The following CACNB2 variants were observed in gnomAD, a reference collection of about 807,000 sequenced individuals.
CACNB2 encodes the protein calcium voltage-gated channel auxiliary subunit beta 2, also known as voltage-dependent L-type calcium channel subunit beta-2.
In CACNB2, 42 loss-of-function variants were observed where a neutral mutation model predicts 73.3. That is an observed-to-expected ratio of 0.57 (90% CI 0.45 to 0.74). CACNB2 has a LOEUF of 0.74. Among genes scored for constraint, CACNB2 ranks in the 30% least tolerant of loss-of-function variants. The pLI, the probability that CACNB2 is intolerant of heterozygous loss-of-function variation, is 0.00. For missense variants in CACNB2, 940 were observed against 853.0 expected (o/e 1.10, Z -1.27); for synonymous variants, 348 against 310.3 (o/e 1.12, Z -1.28).
At chr10:18,171,969 C>G (rs528976510) in intron 2 of CACNB2, among the ~76,000 whole-genome samples, 1 of 151,978 alleles carries the variant, frequency 6.6e-6, no homozygotes, top group Non-Finnish European at 1.5e-5. Flanking sequence ...CTAACTGATC[C>G]TCCTTTAGGC....
chr10:18,322,352 T>A (rs1416762127), intron 2 of CACNB2, among the ~76,000 whole-genome samples: 1 of 152,214 alleles, frequency 6.6e-6, no homozygotes, highest in Non-Finnish European at 1.5e-5. Flanking sequence ...ATCGCATGAT[T>A]TGTAAAAAGC....
At chr10:18,211,058 G>C (rs1202395694) in intron 2 of CACNB2, among the ~76,000 whole-genome samples, 1 of 152,196 alleles carries the variant, frequency 6.6e-6, no homozygotes, top group Non-Finnish European at 1.5e-5. Flanking sequence ...TGAGCATGAA[G>C]CTTTGCTCAT....
intron 2 of CACNB2, among the ~76,000 whole-genome samples, chr10:18,249,390 GA>G (rs929547190): frequency 6.1e-5 from 9 of 148,558 alleles, no homozygotes; most frequent in Admixed American, 3.3e-4. Context: ...CCTATTCCAA[GA>G]AAAAAAAATG....
intron 3 of CACNB2, among the ~76,000 whole-genome samples, chr10:18,404,578 T>C (rs1294177512): frequency 2.0e-5 from 3 of 152,198 alleles, no homozygotes; most frequent in Non-Finnish European, 2.9e-5. Flanking sequence ...GAAGCATCTC[T>C]CAAACAGAAA....
chr10:18,196,132 T>C (rs1438249381), intron 2 of CACNB2, among the ~76,000 whole-genome samples: 1 of 152,136 alleles, frequency 6.6e-6, no homozygotes, highest in Non-Finnish European at 1.5e-5. Context: ...TTATTATTAC[T>C]ATTCTTATTT....
At chr10:18,182,963 G>A (rs772924709) in intron 2 of CACNB2, among the ~76,000 whole-genome samples, 1 of 151,710 alleles carries the variant, frequency 6.6e-6, no homozygotes, top group Non-Finnish European at 1.5e-5. Context: ...ATATACAATA[G>A]CTGAGAAAAT....
At chr10:18,268,802 C>T (rs2082827923) in intron 2 of CACNB2, among the ~76,000 whole-genome samples, 1 of 152,154 alleles carries the variant, frequency 6.6e-6, no homozygotes, top group African/African-American at 2.4e-5. Flanking sequence ...TATGTTATCT[C>T]CTACCTCACT....
At chr10:18,180,230 G>T (rs2033804925) in intron 2 of CACNB2, among the ~76,000 whole-genome samples, 1 of 152,120 alleles carries the variant, frequency 6.6e-6, no homozygotes, top group South Asian at 2.1e-4. Context: ...GGAGGGGAAT[G>T]ACATACCGCA....
At chr10:18,261,137 A>C in intron 2 of CACNB2, 1 of 1,533,326 alleles carries the variant, frequency 6.5e-7, no homozygotes, top group Non-Finnish European at 8.8e-7. Context: ...TAGGAGGCAG[A>C]AGCTAAGTGA....
At chr10:18,532,519 A>T (rs925759137) in intron 10 of CACNB2, among the ~76,000 whole-genome samples, 5 of 151,840 alleles carry the variant, frequency 3.3e-5, no homozygotes, top group African/African-American at 1.2e-4. Flanking sequence ...CTAAAAGTAC[A>T]AAACATTAGC....
chr10:18,194,762 T>A (rs2034554105), intron 2 of CACNB2, among the ~76,000 whole-genome samples: 1 of 152,212 alleles, frequency 6.6e-6, no homozygotes, highest in Admixed American at 6.5e-5. Context: ...TGCAGGCCTT[T>A]TACAAAATTC....
chr10:18,191,658 T>A (rs1892009), intron 2 of CACNB2, among the ~76,000 whole-genome samples: 5,098 of 152,134 alleles, frequency 0.034, 94 homozygotes, highest in South Asian at 0.039. Context: ...CCTCATAGCT[T>A]AGCTCCCACA....
chr10:18,249,816 C>T (rs2131547869), intron 2 of CACNB2, among the ~76,000 whole-genome samples: 1 of 152,302 alleles, frequency 6.6e-6, no homozygotes, highest in African/African-American at 2.4e-5. Context: ...TATGAAATTG[C>T]CTACCTGACT....
At chr10:18,281,386 A>G (rs954553227) in intron 2 of CACNB2, among the ~76,000 whole-genome samples, 22 of 152,228 alleles carry the variant, frequency 1.4e-4, no homozygotes, top group Non-Finnish European at 3.1e-4. Context: ...GTGGGAAACA[A>G]CAATGAAAGT....
chr10:18,175,517 A>G (rs1017168457), intron 2 of CACNB2, among the ~76,000 whole-genome samples: 2 of 152,132 alleles, frequency 1.3e-5, no homozygotes, highest in Non-Finnish European at 2.9e-5. Context: ...AAGTCTTTAG[A>G]AATTTGTGTC....
At chr10:18,426,855 CT>C (rs1388994081) in intron 3 of CACNB2, among the ~76,000 whole-genome samples, 2 of 150,962 alleles carry the variant, frequency 1.3e-5, no homozygotes, top group Non-Finnish European at 2.9e-5. Context: ...TATAGAGGTA[CT>C]TTAGCATGTT....
chr10:18,469,473 C>A (rs763560827), intron 3 of CACNB2, among the ~76,000 whole-genome samples: 58 of 152,196 alleles, frequency 3.8e-4, no homozygotes, highest in Non-Finnish European at 1.8e-4. Flanking sequence ...GTTAGCTCAA[C>A]TTTTTAGCAG....
Position 18,520,588 on chromosome 10 carries a change from C to T in CACNB2, c.944+1620C>T, listed in dbSNP as rs140133688. On this transcript the variant is annotated intron_variant, in intron 9 of 13. Coordinates refer to ENST00000324631, the MANE Select transcript of CACNB2 (RefSeq NM_201596.3). ...TTTACTCAAAACCATCCAGTGACTT[C>T]TTTTTTTCCTCTGAATGGAAACCAA... Among the ~76,000 whole-genome samples the T allele has an allele frequency of 7.0e-4, 107 of 152,280 alleles. 1 individual carries two copies. In the East Asian group the frequency reaches 0.02, roughly 29 times the overall value.
At chr10:18,190,460 C>T (rs958947472) in intron 2 of CACNB2, among the ~76,000 whole-genome samples, 1 of 152,084 alleles carries the variant, frequency 6.6e-6, no homozygotes, top group Non-Finnish European at 1.5e-5. Context: ...TCATGGGAGA[C>T]GTCCTGGAAG....
Sources: allele counts gnomAD v4.1 joint callset (sites outside exome capture counted in the v4.1 genomes callset), GRCh38; gene constraint gnomAD v4.1.1; transcripts MANE v1.5; gene names NCBI Gene and HGNC (gene_info 2026-07-23, HGNC 2026-07-21).